The following DNTT variants were observed in gnomAD, a reference collection of about 807,000 sequenced individuals.
DNTT encodes the protein DNA nucleotidylexotransferase, also known as nucleosidetriphosphate:DNA deoxynucleotidylexotransferase.
In DNTT, 47 loss-of-function variants were observed where a neutral mutation model predicts 60.9. That is an observed-to-expected ratio of 0.77 (90% CI 0.61 to 0.98). The LOEUF (loss-of-function observed/expected upper bound fraction) is 0.98. DNTT is among the 50% of genes least tolerant of loss of function. The pLI, the probability that DNTT is intolerant of heterozygous loss-of-function variation, is 0.00. For synonymous variants in DNTT, 224 were observed against 221.2 expected (o/e 1.01, Z -0.11); for missense variants, 665 against 627.5 (o/e 1.06, Z -0.64).
intron 10 of DNTT, among the ~76,000 whole-genome samples, chr10:96,337,389 G>A (rs1054991421): frequency 6.6e-6 from 1 of 152,208 alleles, no homozygotes; most frequent in Non-Finnish European, 1.5e-5. Flanking sequence ...AGAGTCAAGA[G>A]GAGTGGTTTC....
At chr10:96,327,227 T>C (rs565743450) in intron 6 of DNTT, among the ~76,000 whole-genome samples, 5 of 152,260 alleles carry the variant, frequency 3.3e-5, no homozygotes, top group East Asian at 1.9e-4. Flanking sequence ...GGATGTGAAA[T>C]ATTGTCTCCT....
intron 7 of DNTT, among the ~76,000 whole-genome samples, chr10:96,327,900 C>T (rs1391902510): frequency 1.3e-5 from 2 of 152,158 alleles, no homozygotes; most frequent in African/African-American, 4.8e-5. Flanking sequence ...TTAGATGGCA[C>T]CTTCTCCAGA....
At chr10:96,320,890 G>T in intron 4 of DNTT, 102 bp downstream of exon 4, 1 of 1,406,184 alleles carries the variant, frequency 7.1e-7, no homozygotes. Context: ...TGTAGATGTG[G>T]TGTACATCAC....
chr10:96,319,534 C>A, intron 3 of DNTT, 144 bp downstream of exon 3: 2 of 1,106,694 alleles, frequency 1.8e-6, no homozygotes, highest in Non-Finnish European at 2.5e-6. Flanking sequence ...GATCTCTGAT[C>A]CTTCTATCCT....
intron 7 of DNTT, among the ~76,000 whole-genome samples, chr10:96,328,036 T>C (rs1844959441): frequency 6.6e-6 from 1 of 152,202 alleles, no homozygotes; most frequent in Non-Finnish European, 1.5e-5. Flanking sequence ...GTTTCTCCAC[T>C]AAGTTTGTAG....
chr10:96,338,218 T>C lies in DNTT; in HGVS notation c.1524T>C (p.Asn508=). 6.2e-7 allele frequency: 1 copy of C among 1,608,188 alleles called. No homozygotes were observed. Among genetic ancestry groups the C allele is most frequent in the Non-Finnish European group, 8.5e-7 (1 of 1,178,394 alleles). The change falls in exon 11 of 11, where the codon AAT becomes AAC. Residue 508 remains asparagine, a synonymous_variant. Coordinates refer to ENST00000371174, the MANE Select transcript of DNTT (RefSeq NM_004088.4). The part of the protein sequence containing the change: ...GLDYIEPWER[N]A Reference sequence around the variant, plus strand: ...ATTATATTGAACCGTGGGAAAGAAATGCCTAGGAAAGTGTTGTCAACATTT... The same window carrying C: ...ATTATATTGAACCGTGGGAAAGAAACGCCTAGGAAAGTGTTGTCAACATTT...
chr10:96,322,316 A>G (rs1844889964), intron 4 of DNTT, among the ~76,000 whole-genome samples: 1 of 152,174 alleles, frequency 6.6e-6, no homozygotes, highest in South Asian at 2.1e-4. Context: ...AAGTCTTCTT[A>G]TTTCAGTAAG....
chr10:96,331,056 A>G (rs1373366089), intron 8 of DNTT, among the ~76,000 whole-genome samples: 1 of 152,032 alleles, frequency 6.6e-6, no homozygotes, highest in Non-Finnish European at 1.5e-5. Context: ...CAAGAATGGC[A>G]ACTCGATTGG....
chr10:96,326,270 C>T (rs955744807), intron 6 of DNTT, among the ~76,000 whole-genome samples: 5 of 151,296 alleles, frequency 3.3e-5, no homozygotes, highest in Non-Finnish European at 7.3e-5. Flanking sequence ...TCAAACTCCT[C>T]ATGCTCACAA....
chr10:96,337,108 G>A (rs1242823554), intron 10 of DNTT, among the ~76,000 whole-genome samples: 1 of 152,100 alleles, frequency 6.6e-6, no homozygotes, highest in Non-Finnish European at 1.5e-5. Flanking sequence ...AAGCGTTCAG[G>A]GGCAGCCGAA....
At chr10:96,335,048 T>A (rs1384483084) in intron 9 of DNTT, among the ~76,000 whole-genome samples, 2 of 152,180 alleles carry the variant, frequency 1.3e-5, no homozygotes, top group African/African-American at 4.8e-5. Flanking sequence ...TCCTCAACCA[T>A]CCCGGGTGAG....
At chr10:96,328,937 C>T (rs1844972449) in intron 8 of DNTT, 107 bp downstream of exon 8, 2 of 1,145,892 alleles carry the variant, frequency 1.7e-6, no homozygotes, top group African/African-American at 1.5e-5. Flanking sequence ...AATCAATTCT[C>T]AATTATTTGT....
chr10:96,338,236 C>A lies in DNTT; in HGVS notation c.*12C>A. The A allele has an allele frequency of 6.3e-7, 1 of 1,598,890 alleles. No homozygotes were observed. The highest frequency in any genetic ancestry group is 1.1e-5 in the South Asian group (1 of 87,416). ...AAAGAAATGCCTAGGAAAGTGTTGT[C>A]AACATTTTTTTCCTATTCTTTTCAA... On this transcript the variant is annotated 3_prime_UTR_variant, in exon 11 of 11. Transcript: ENST00000371174.
chr10:96,338,187 G>T lies in DNTT; in HGVS notation c.1493G>T (p.Gly498Val), dbSNP rs190218659. The part of the protein sequence containing the change: ...ESEEEIFAHL[G>V]LDYIEPWERN... ...GAAGAAGAAATTTTTGCGCATCTGG[G>T]ATTGGATTATATTGAACCGTGGGAA... Residue 498 changes from glycine to valine, a missense_variant, in exon 11 of 11, where the codon GGA (glycine) becomes GTA (valine). Transcript: ENST00000371174. The T allele has an allele frequency of 1.2e-6, 2 of 1,613,464 alleles. No homozygotes were observed. The highest frequency in any genetic ancestry group is 1.7e-6 in the Non-Finnish European group (2 of 1,179,878).
rs573580619 is a variant in DNTT at position 96,330,268 on chromosome 10, T to A, written c.1113+1438T>A. Among the ~76,000 whole-genome samples the A allele has an allele frequency of 2.2e-4, 33 of 151,556 alleles. 1 individual carries two copies. In the South Asian group the frequency reaches 5.7e-3, roughly 26 times the overall value. Reference sequence around the variant, plus strand: ...CCCAATAAAGAATGGCCCATTTCTCTCTTACCCACCAAGTGACAGTTTACT... The same window carrying A: ...CCCAATAAAGAATGGCCCATTTCTCACTTACCCACCAAGTGACAGTTTACT... On this transcript the variant is annotated intron_variant, in intron 8 of 10. Coordinates refer to ENST00000371174, the MANE Select transcript of DNTT (RefSeq NM_004088.4).
chr10:96,335,524 T>C (rs990148418), intron 9 of DNTT, among the ~76,000 whole-genome samples: 3 of 152,202 alleles, frequency 2.0e-5, no homozygotes, highest in African/African-American at 7.2e-5. Flanking sequence ...TTCCAAATCA[T>C]GTAACACCCA....
At chr10:96,314,337 T>C (rs1326286509) in intron 1 of DNTT, among the ~76,000 whole-genome samples, 1 of 145,968 alleles carries the variant, frequency 6.9e-6, no homozygotes, top group African/African-American at 2.5e-5. Context: ...TAGGATCAAA[T>C]CCCTGCTCCA....
intron 9 of DNTT, 74 bp from the exon 10 acceptor site, chr10:96,335,817 A>G: frequency 1.3e-6 from 2 of 1,496,716 alleles, no homozygotes; most frequent in Non-Finnish European, 1.9e-6. Context: ...ATATTTCACT[A>G]GAGGGATGTA....
At position 96,305,896 on chromosome 10, in the gene DNTT, G is replaced by A. The variant is rs529742405; in HGVS notation, c.203+1196G>A. ...CCCTTCTTCCACCTGATTTCTCTTT[G>A]CAAGGTCTCCTTTTCTCTCTTGCTG... On this transcript the variant is annotated intron_variant, in intron 1 of 10. Transcript: ENST00000371174. 7.2e-5 allele frequency among the ~76,000 whole-genome samples: 11 copies of A among 152,032 alleles called. No individual in the cohort carries two copies. In the South Asian group the frequency reaches 2.3e-3, roughly 32 times the overall value.
Sources: allele counts gnomAD v4.1 joint callset (sites outside exome capture counted in the v4.1 genomes callset), GRCh38; gene constraint gnomAD v4.1.1; transcripts MANE v1.5; gene names NCBI Gene and HGNC (gene_info 2026-07-23, HGNC 2026-07-21).